Variants in TAF2 observed in about 807,000 individuals in gnomAD.
TAF2 encodes the protein transcription initiation factor TFIID subunit 2.
A neutral mutation model predicts 138.5 loss-of-function variants in TAF2; 61 were observed. The ratio of observed to expected loss-of-function variants is 0.44; its 90% confidence interval spans 0.36 to 0.54. The LOEUF is 0.54. Ranked by LOEUF, TAF2 falls within the 20% of genes least tolerant of loss-of-function variation. TAF2 has a pLI of 0.00. For synonymous variants in TAF2, 475 were observed against 469.9 expected, an observed-to-expected ratio of 1.01 and a Z score of -0.14; for missense variants, 1,090 against 1,427.9, an observed-to-expected ratio of 0.76 and a Z score of 3.81.
At chr8:119,811,085 T>C in intron 3 of TAF2, among the ~76,000 whole-genome samples, 1 of 152,178 alleles carries the variant, frequency 6.6e-6, no homozygotes, top group East Asian at 1.9e-4. Context: ...GACTACAAAA[T>C]ATTTAATGTC....
Position 119,772,364 on chromosome 8 carries a change from C to G in TAF2, c.2364+5655G>C, listed in dbSNP as rs1003966814. On this transcript the variant is annotated intron_variant, in intron 18 of 25. Coordinates refer to ENST00000378164, the MANE Select transcript of TAF2 (RefSeq NM_003184.4). Reference sequence around the variant, plus strand: ...AAATAACTTAGAAACAGACAAATACCATATCCTCTCACTTGTAAGTGGGAA... The same window carrying G: ...AAATAACTTAGAAACAGACAAATACGATATCCTCTCACTTGTAAGTGGGAA... 4.7e-4 allele frequency among the ~76,000 whole-genome samples: 71 copies of G among 152,154 alleles called. 2 individuals carry two copies. The highest frequency in any genetic ancestry group is 9.4e-4 in the Non-Finnish European group (64 of 68,034).
Position 119,801,877 on chromosome 8 carries a change from TA to T in TAF2, c.708del (p.Tyr236Ter). On this transcript the variant is annotated frameshift_variant, in exon 6 of 26. Coordinates refer to ENST00000378164, the MANE Select transcript of TAF2 (RefSeq NM_003184.4). LOFTEE classifies it high-confidence loss of function. ...GACGCTGCTGTAGGAATGGTAAGCA[TA>T]TAATGGAAAGTTTTCTTCCTCATAT... is the stretch of plus-strand genomic sequence containing the variant. ...THDMRKKTFHYMLTIPTAASN... is the reference protein window; with the variant it reads ...THDMRKKTFHXMLTIPTAASN... 1 of 1,614,186 alleles carries T rather than the reference TA, an allele frequency of 6.2e-7. No homozygotes were observed. Among genetic ancestry groups the T allele is most frequent in the Non-Finnish European group, 8.5e-7 (1 of 1,180,032 alleles).
rs1366705326 is a variant in TAF2 at position 119,757,328 on chromosome 8, A to G, written c.2768+745T>C. ...AGATATGTAATATAAATGGGGATAT[A>G]AATCTTTATGGATATTTCATATCCA... On this transcript the variant is annotated intron_variant, in intron 21 of 25. Coordinates refer to ENST00000378164, the MANE Select transcript of TAF2 (RefSeq NM_003184.4). 2.6e-5 allele frequency among the ~76,000 whole-genome samples: 4 copies of G among 152,198 alleles called. No homozygotes were observed. In the East Asian group the frequency reaches 7.7e-4, roughly 29 times the overall value.
At chr8:119,743,230 T>G (rs1257710122) in intron 24 of TAF2, among the ~76,000 whole-genome samples, 1 of 152,012 alleles carries the variant, frequency 6.6e-6, no homozygotes, top group Non-Finnish European at 1.5e-5. Context: ...CCAATAAGAA[T>G]TTTAGAAACA....
intron 25 of TAF2, among the ~76,000 whole-genome samples, chr8:119,740,033 A>G (rs1819492672): frequency 6.6e-6 from 1 of 152,096 alleles, no homozygotes; most frequent in Non-Finnish European, 1.5e-5. Flanking sequence ...ATCCCTAGAG[A>G]CTGAAGAGAG....
chr8:119,750,526 T>C (rs1241553364), intron 22 of TAF2, among the ~76,000 whole-genome samples: 1 of 152,244 alleles, frequency 6.6e-6, no homozygotes, highest in Admixed American at 6.5e-5. Context: ...ATTATTGTCC[T>C]GACTGTTCTG....
chr8:119,801,952 T>C lies in TAF2; in HGVS notation c.634A>G (p.Met212Val), dbSNP rs763538811. 15 of 1,614,180 alleles carry C rather than the reference T, an allele frequency of 9.3e-6. No individual in the cohort carries two copies. The highest frequency in any genetic ancestry group is 2.2e-5 in the East Asian group (1 of 44,884). ...WKLEFTVDAA[M>V]VAVSNGDLVE... ...AAATCGCCATTAGAAACAGCAACCA[T>C]TGCAGCATCTACTGTAAATTCTAAT... The change falls in exon 6 of 26, where the codon ATG becomes GTG. Residue 212 changes from methionine (M) to valine (V), a missense_variant. Around this residue, in one of 3 missense-constraint regions of TAF2, gnomAD observed 504 missense variants for 680.9 expected, o/e 0.74. Coordinates refer to ENST00000378164, the MANE Select transcript of TAF2 (RefSeq NM_003184.4).
Position 119,762,391 on chromosome 8 carries a change from TTAAAG to T in TAF2, c.2558+19_2558+23del. ...TTTACAGTTATAAGAACATATAACT[TTAAAG>T]TAAGGAATTTAATCATACCTGACAG... On this transcript the variant is annotated intron_variant, in intron 19 of 25. Transcript: ENST00000378164. 1.9e-6 allele frequency: 3 copies of T among 1,607,242 alleles called. No homozygotes were observed. Among genetic ancestry groups the T allele is most frequent in the African/African-American group, 1.3e-5 (1 of 74,914 alleles).
intron 18 of TAF2, among the ~76,000 whole-genome samples, chr8:119,775,045 C>T (rs1586393551): frequency 2.0e-5 from 3 of 151,876 alleles, no homozygotes; most frequent in Admixed American, 2.0e-4. Flanking sequence ...CTTTGGGAGG[C>T]CAAGGAGGGC....
At chr8:119,803,023 A>G (rs1824370981) in intron 5 of TAF2, among the ~76,000 whole-genome samples, 2 of 152,082 alleles carry the variant, frequency 1.3e-5, no homozygotes, top group Non-Finnish European at 2.9e-5. Flanking sequence ...AGGTAGGAGA[A>G]TCACTGGAAC....
At chr8:119,792,365 T>G (rs1172774428) in intron 10 of TAF2, among the ~76,000 whole-genome samples, 1 of 152,014 alleles carries the variant, frequency 6.6e-6, no homozygotes, top group East Asian at 1.9e-4. Context: ...GTTGGTAGGC[T>G]GGTCTCAAAC....
At chr8:119,787,197 T>C (rs1485625612) in intron 14 of TAF2, among the ~76,000 whole-genome samples, 4 of 151,846 alleles carry the variant, frequency 2.6e-5, no homozygotes, top group Non-Finnish European at 5.9e-5. Context: ...GAACTTAAAG[T>C]TACAAGAGAA....
At chr8:119,751,551 G>T (rs1187962104) in intron 22 of TAF2, among the ~76,000 whole-genome samples, 2 of 152,024 alleles carry the variant, frequency 1.3e-5, no homozygotes, top group Non-Finnish European at 2.9e-5. Context: ...CTTTCTTTGG[G>T]TTCCCCAAAT....
chr8:119,748,895 G>A (rs1259795128), intron 22 of TAF2, among the ~76,000 whole-genome samples: 1 of 149,432 alleles, frequency 6.7e-6, no homozygotes. Context: ...GAAAAGGAGT[G>A]AATCTTAGGC....
chr8:119,811,413 G>A (rs1353875214), intron 3 of TAF2, among the ~76,000 whole-genome samples: 2 of 150,404 alleles, frequency 1.3e-5, no homozygotes, highest in African/African-American at 2.5e-5. Flanking sequence ...AAGTAAATCA[G>A]AAAGCTACAC....
intron 17 of TAF2, among the ~76,000 whole-genome samples, chr8:119,780,470 T>C (rs529442324): frequency 6.6e-6 from 1 of 152,290 alleles, no homozygotes; most frequent in African/African-American, 2.4e-5. Context: ...GCTGTCCACA[T>C]TCTAGGACTG....
intron 2 of TAF2, among the ~76,000 whole-genome samples, chr8:119,827,276 T>G (rs1826162272): frequency 6.6e-6 from 1 of 152,212 alleles, no homozygotes; most frequent in Non-Finnish European, 1.5e-5. Flanking sequence ...TCCCTGATGC[T>G]CACTTCCTGC....
intron 19 of TAF2, among the ~76,000 whole-genome samples, chr8:119,761,079 C>T (rs180828123): frequency 1.9e-3 from 297 of 152,312 alleles, no homozygotes; most frequent in African/African-American, 6.5e-3. Flanking sequence ...TACTCACTCA[C>T]TGATAAACCC....
At chr8:119,769,079 G>A (rs532778924) in intron 18 of TAF2, among the ~76,000 whole-genome samples, 4 of 152,232 alleles carry the variant, frequency 2.6e-5, no homozygotes, top group Admixed American at 1.3e-4. Context: ...AGCCACCCCC[G>A]TCAGGGCTGA....
Sources: gnomAD v4.1 joint callset for allele counts (sites outside exome capture counted in the v4.1 genomes callset) on GRCh38, gnomAD v4.1.1 for gene constraint, gnomAD v4.1.1 regional missense constraint, MANE v1.5 for transcripts, NCBI Gene and HGNC (gene_info 2026-07-23, HGNC 2026-07-21) for gene names.